The following CCDC38 variants were observed in gnomAD, a reference collection of about 807,000 sequenced individuals.
CCDC38 encodes coiled-coil domain containing 38.
In CCDC38, 69 loss-of-function variants were observed where a neutral mutation model predicts 72.8. The ratio of observed to expected loss-of-function variants is 0.95; its 90% CI spans 0.78 to 1.16. The LOEUF is 1.16. Ranked by LOEUF, CCDC38 falls within the 50% of genes most tolerant of loss-of-function variation. CCDC38 has a pLI of 0.00. For synonymous variants in CCDC38, 201 were observed against 213.2 expected (o/e 0.94, Z 0.50); for missense variants, 626 against 638.9 (o/e 0.98, Z 0.22).
intron 2 of CCDC38, among the ~76,000 whole-genome samples, chr12:95,923,294 A>G (rs1437350186): frequency 6.6e-6 from 1 of 151,840 alleles, no homozygotes; most frequent in Admixed American, 6.6e-5. Flanking sequence ...TCTCCTTCTT[A>G]TTGGTTCTGT....
intron 14 of CCDC38, among the ~76,000 whole-genome samples, chr12:95,870,952 G>A (rs928211672): frequency 2.0e-5 from 3 of 152,100 alleles, no homozygotes; most frequent in East Asian, 1.9e-4. Context: ...TATTACTCCC[G>A]TTTTACGGAT....
intron 2 of CCDC38, 109 bp from the exon 3 acceptor site, chr12:95,919,085 C>A: frequency 1.4e-6 from 1 of 693,328 alleles, no homozygotes; most frequent in Non-Finnish European, 2.5e-6. Flanking sequence ...GCAGGGATCT[C>A]TGAGAAGGTA....
chr12:95,938,832 T>C (rs1180884969), intron 1 of CCDC38, among the ~76,000 whole-genome samples: 1 of 152,218 alleles, frequency 6.6e-6, no homozygotes, highest in Admixed American at 6.5e-5. Flanking sequence ...AAAGGCTCTG[T>C]ACCAAAAGAG....
intron 4 of CCDC38, among the ~76,000 whole-genome samples, chr12:95,908,441 GA>G (rs2080041298): frequency 2.1e-5 from 1 of 48,406 alleles, no homozygotes; most frequent in Non-Finnish European, 3.5e-5. Flanking sequence ...GGAGACCGTG[GA>G]AAGAGGGAGA....
chr12:95,923,373 C>T (rs1338456246), intron 2 of CCDC38, among the ~76,000 whole-genome samples: 1 of 152,024 alleles, frequency 6.6e-6, no homozygotes, highest in Non-Finnish European at 1.5e-5. Context: ...TATATACCAT[C>T]ACTCCCAGGC....
chr12:95,923,632 G>A (rs2080233843), intron 2 of CCDC38, among the ~76,000 whole-genome samples: 1 of 151,958 alleles, frequency 6.6e-6, no homozygotes, highest in Non-Finnish European at 1.5e-5. Flanking sequence ...ATGCTGGTGT[G>A]CTGCACCCAC....
At chr12:95,925,249 C>G (rs544638751) in intron 2 of CCDC38, among the ~76,000 whole-genome samples, 2 of 152,098 alleles carry the variant, frequency 1.3e-5, no homozygotes, top group Non-Finnish European at 2.9e-5. Context: ...TTGAAGAGGT[C>G]CTTCACATCC....
At chr12:95,913,757 T>C (rs2080117908) in intron 4 of CCDC38, among the ~76,000 whole-genome samples, 1 of 152,170 alleles carries the variant, frequency 6.6e-6, no homozygotes, top group South Asian at 2.1e-4. Flanking sequence ...TGAGTAATTA[T>C]TTAATTTCTC....
intron 4 of CCDC38, among the ~76,000 whole-genome samples, chr12:95,910,235 A>T (rs868798287): frequency 6.6e-6 from 1 of 152,108 alleles, no homozygotes; most frequent in South Asian, 2.1e-4. Context: ...ACAAAAATCA[A>T]CAGCATTTGT....
At chr12:95,886,047 T>C (rs796603928) in intron 10 of CCDC38, among the ~76,000 whole-genome samples, 27 of 143,906 alleles carry the variant, frequency 1.9e-4, no homozygotes, top group African/African-American at 5.9e-4. Context: ...TAATAAAGCT[T>C]GCCTATACTA....
At chr12:95,940,888 AAAC>A (rs1365848335) in intron 1 of CCDC38, among the ~76,000 whole-genome samples, 17 of 39,504 alleles carry the variant, frequency 4.3e-4, no homozygotes, top group East Asian at 3.4e-3. Context: ...ACAAACAAAC[AAAC>A]AAAAAAAAAA....
At chr12:95,919,035 A>T in intron 2 of CCDC38, 59 bp from the exon 3 acceptor site, 3 of 1,058,590 alleles carry the variant, frequency 2.8e-6, no homozygotes, top group Non-Finnish European at 4.4e-6. Context: ...GCTGACCAGA[A>T]TAGTAAGTCT....
chr12:95,939,429 G>A (rs2080426762), intron 1 of CCDC38, among the ~76,000 whole-genome samples: 1 of 152,200 alleles, frequency 6.6e-6, no homozygotes, highest in Non-Finnish European at 1.5e-5. Context: ...CACACAGGGA[G>A]ATCTACTAGG....
At chr12:95,880,297 T>A (rs1005909668) in intron 11 of CCDC38, among the ~76,000 whole-genome samples, 3 of 152,172 alleles carry the variant, frequency 2.0e-5, no homozygotes, top group Non-Finnish European at 2.9e-5. Context: ...AGAATGTCCA[T>A]CAATGGATAA....
At position 95,867,108 on chromosome 12, in the gene CCDC38, T is replaced by C. The variant is rs73227775; in HGVS notation, c.1660A>G (p.Lys554Glu). Residue 554 changes from lysine (K) to glutamate (E), a missense_variant, in exon 16 of 16, where the codon AAA becomes GAA. Physicochemically the swap from Lys to Glu is moderately conservative, Grantham distance 56 (BLOSUM62 1). Transcript: ENST00000344280. ...AAAAAATATTCTTCCTCTTGTGATT[T>C]TGTTTTTGTTTCATTGACTAAAGGT... ...QLPLVNETKT[K>E]SQEEEYFFT The C allele has an allele frequency of 1.2e-6, 2 of 1,602,982 alleles. No homozygotes were observed. The highest frequency in any genetic ancestry group is 1.7e-6 in the Non-Finnish European group (2 of 1,172,034).
At chr12:95,867,808 C>CTT (rs1044695832) in intron 15 of CCDC38, among the ~76,000 whole-genome samples, 6 of 152,132 alleles carry the variant, frequency 3.9e-5, no homozygotes, top group African/African-American at 1.2e-4. Flanking sequence ...TTTTGTTTTG[C>CTT]TTTTATAGCT....
rs2079657340 is a variant in CCDC38 at position 95,878,259 on chromosome 12, T to G, written c.1230A>C (p.Gln410His). The G allele has an allele frequency of 6.2e-7, 1 of 1,613,720 alleles. No individual in the cohort carries two copies. The highest frequency in any genetic ancestry group is 1.3e-5 in the African/African-American group (1 of 75,050). Residue 410 changes from glutamine to histidine, a missense_variant, in exon 13 of 16, where the codon CAA becomes CAC. Gln to His is a conservative substitution (Grantham distance 24, BLOSUM62 0). Transcript: ENST00000344280. Reference sequence around the variant, plus strand: ...CAAAGCTAAAGAGCTTGGACTTTAATTGCAATTCTGCTGCTTTCTCTTCTT... The same window carrying G: ...CAAAGCTAAAGAGCTTGGACTTTAAGTGCAATTCTGCTGCTTTCTCTTCTT... ...VREEEKAAEL[Q>H]LKSKLFSFGE...
At chr12:95,869,980 C>T (rs2079563439) in intron 14 of CCDC38, among the ~76,000 whole-genome samples, 2 of 152,108 alleles carry the variant, frequency 1.3e-5, no homozygotes, top group African/African-American at 4.8e-5. Flanking sequence ...CATGCCACCA[C>T]ACCCGGCTAA....
At chr12:95,899,233 T>G (rs1371981544) in intron 5 of CCDC38, among the ~76,000 whole-genome samples, 1 of 152,228 alleles carries the variant, frequency 6.6e-6, no homozygotes, top group Non-Finnish European at 1.5e-5. Flanking sequence ...AACACAACTT[T>G]GACATCTGCC....
Sources: allele counts gnomAD v4.1 joint callset (sites outside exome capture counted in the v4.1 genomes callset), GRCh38; gene constraint gnomAD v4.1.1; transcripts MANE v1.5; gene names NCBI Gene and HGNC (gene_info 2026-07-23, HGNC 2026-07-21).